CRCP: variants seen among roughly 807,000 people sequenced by gnomAD.
CRCP encodes DNA-directed RNA polymerase III subunit RPC9.
Under a neutral mutation model 18.5 loss-of-function variants are expected in CRCP, and 18 were observed. The observed-to-expected ratio is 0.97, with a 90% CI of 0.67 to 1.44. The LOEUF is 1.44. Ranked by LOEUF, CRCP falls within the 40% of genes most tolerant of loss-of-function variation. CRCP has a pLI of 0.00. For missense variants in CRCP, 130 were observed against 176.4 expected, an observed-to-expected ratio of 0.74 and a Z score of 1.49; for synonymous variants, 53 against 62.9, an observed-to-expected ratio of 0.84 and a Z score of 0.75.
chr7:66,130,917 G>A (rs1039048896), intron 3 of CRCP, 75 bp downstream of exon 3: 6 of 835,152 alleles, frequency 7.2e-6, no homozygotes, highest in Admixed American at 6.5e-5. Context: ...ATGACTGGCA[G>A]CTGAAATTAA....
chr7:66,134,545 CTTT>C (rs56013238), intron 4 of CRCP, 171 bp downstream of exon 4: 1,656 of 288,970 alleles, frequency 5.7e-3, no homozygotes, highest in East Asian at 0.017. Context: ...AGGAACAAAT[CTTT>C]TTTTTTTTTT....
chr7:66,148,784 T>C (rs567528712), intron 5 of CRCP, among the ~76,000 whole-genome samples: 10 of 152,362 alleles, frequency 6.6e-5, no homozygotes, highest in Non-Finnish European at 1.3e-4. Flanking sequence ...GATTTCGTGA[T>C]TATGAAGTCT....
At chr7:66,139,615 A>G (rs1339495533) in intron 4 of CRCP, among the ~76,000 whole-genome samples, 2 of 152,172 alleles carry the variant, frequency 1.3e-5, no homozygotes, top group African/African-American at 2.4e-5. Context: ...TGTCAATCCA[A>G]TTAGGTTCAG....
chr7:66,127,599 T>G, intron 1 of CRCP, 105 bp from the exon 2 acceptor site: 1 of 1,320,870 alleles, frequency 7.6e-7, no homozygotes, highest in Non-Finnish European at 1.1e-6. Flanking sequence ...AGTCCCTAAA[T>G]TCAAAAAGTG....
At chr7:66,133,537 G>A (rs1470757269) in intron 3 of CRCP, among the ~76,000 whole-genome samples, 5 of 134,068 alleles carry the variant, frequency 3.7e-5, no homozygotes, top group African/African-American at 8.4e-5. Flanking sequence ...GTGAGACTCC[G>A]TCTCAAAAAA....
intron 4 of CRCP, among the ~76,000 whole-genome samples, chr7:66,136,756 G>T (rs1001489212): frequency 1.3e-5 from 2 of 151,970 alleles, no homozygotes; most frequent in East Asian, 1.9e-4. Flanking sequence ...GGTCAGTTTT[G>T]GGGGAGAATT....
At chr7:66,130,473 A>G (rs1787766106) in intron 2 of CRCP, among the ~76,000 whole-genome samples, 1 of 152,156 alleles carries the variant, frequency 6.6e-6, no homozygotes, top group Non-Finnish European at 1.5e-5. Flanking sequence ...TTTTGAGATC[A>G]GATTAGTGAT....
At chr7:66,118,296 T>A (rs1787334411) in intron 1 of CRCP, among the ~76,000 whole-genome samples, 1 of 152,200 alleles carries the variant, frequency 6.6e-6, no homozygotes, top group African/African-American at 2.4e-5. Flanking sequence ...GAAGGTTGTG[T>A]CCCTTTTCAA....
At chr7:66,124,534 C>CCCTT (rs973654315) in intron 1 of CRCP, among the ~76,000 whole-genome samples, 2 of 133,170 alleles carry the variant, frequency 1.5e-5, no homozygotes, top group Non-Finnish European at 3.2e-5. Context: ...CTCCCTCCTT[C>CCCTT]CCTTCCTTCC....
chr7:66,135,314 T>C (rs187667590), intron 4 of CRCP, among the ~76,000 whole-genome samples: 14 of 152,308 alleles, frequency 9.2e-5, no homozygotes, highest in African/African-American at 3.1e-4. Context: ...GTAATTCTTC[T>C]CTAATTATTG....
At chr7:66,134,528 T>A in intron 4 of CRCP, 154 bp downstream of exon 4, 1 of 518,366 alleles carries the variant, frequency 1.9e-6, no homozygotes, top group East Asian at 3.4e-5. Flanking sequence ...ACATAGGGAC[T>A]AGAGTAAGGA....
Position 66,115,969 on chromosome 7 carries a change from T to A in CRCP, c.8+999T>A, listed in dbSNP as rs142715797. 7.4e-3 allele frequency among the ~76,000 whole-genome samples: 1,133 copies of A among 152,156 alleles called. 17 individuals are homozygous for A. Among genetic ancestry groups the A allele is most frequent in the African/African-American group, 0.026 (1,064 of 41,524 alleles). ...ACGCCATCACTCACCGCTAATTTTT[T>A]AAAAAAAGTTTTGTAGATGCAGGGT... On this transcript the variant is annotated intron_variant, in intron 1 of 5. Transcript: ENST00000395326.
intron 5 of CRCP, among the ~76,000 whole-genome samples, chr7:66,149,931 C>T (rs1027762300): frequency 3.3e-5 from 5 of 152,016 alleles, no homozygotes; most frequent in African/African-American, 9.7e-5. Flanking sequence ...CTCAGCCTCC[C>T]GTGTAGCTGG....
intron 2 of CRCP, chr7:66,129,997 C>CT (rs1224904425): frequency 6.5e-5 from 14 of 215,700 alleles, no homozygotes; most frequent in South Asian, 4.9e-5. Context: ...TTTTTCCTTT[C>CT]TTTTTTGGGG....
At chr7:66,115,379 G>T (rs1395592159) in intron 1 of CRCP, among the ~76,000 whole-genome samples, 2 of 152,184 alleles carry the variant, frequency 1.3e-5, no homozygotes, top group African/African-American at 4.8e-5. Flanking sequence ...AATCAGGGCC[G>T]GGTAGAGCTC....
intron 1 of CRCP, among the ~76,000 whole-genome samples, chr7:66,118,365 AC>A (rs1195864301): frequency 2.0e-5 from 3 of 152,172 alleles, no homozygotes; most frequent in African/African-American, 7.2e-5. Context: ...CTTTCATAGT[AC>A]CTTGATTTAC....
intron 2 of CRCP, 44 bp downstream of exon 2, chr7:66,127,784 C>T (rs762607032): frequency 1.4e-5 from 23 of 1,597,232 alleles, no homozygotes; most frequent in African/African-American, 9.4e-5. Flanking sequence ...GTTTGCCCTT[C>T]GCTCCTGAGA....
intron 1 of CRCP, among the ~76,000 whole-genome samples, chr7:66,122,848 C>G (rs2115875974): frequency 6.6e-6 from 1 of 152,180 alleles, no homozygotes; most frequent in South Asian, 2.1e-4. Context: ...GGTCTCTCCT[C>G]TGTGTGCACA....
intron 5 of CRCP, among the ~76,000 whole-genome samples, 149 bp from the exon 6 acceptor site, chr7:66,152,052 ACCCTTCC>A (rs1456152431): frequency 6.6e-6 from 1 of 151,656 alleles, no homozygotes; most frequent in African/African-American, 2.4e-5. Flanking sequence ...ACTTGGCTCC[ACCCTTCC>A]GTCTGTAAGA....
Sources: allele counts gnomAD v4.1 joint callset (sites outside exome capture counted in the v4.1 genomes callset), GRCh38; gene constraint gnomAD v4.1.1; transcripts MANE v1.5; gene names NCBI Gene and HGNC (gene_info 2026-07-23, HGNC 2026-07-21).